The following CSAD variants were observed in gnomAD, a reference collection of about 807,000 sequenced individuals.
The protein encoded by CSAD is cysteine sulfinic acid decarboxylase, also known as P-selectin cytoplasmic tail-associated protein.
A neutral mutation model predicts 61.5 loss-of-function variants in CSAD; 47 were observed. The ratio of observed to expected loss-of-function variants is 0.76; its 90% CI spans 0.60 to 0.97. The LOEUF (loss-of-function observed/expected upper bound fraction) is 0.97, where lower values mean the gene tolerates loss of function less well. Ranked by LOEUF, CSAD falls within the 50% of genes least tolerant of loss-of-function variation. The pLI, the probability that CSAD is intolerant of heterozygous loss-of-function variation, is 0.00. For missense variants in CSAD, 611 were observed against 643.6 expected, an observed-to-expected ratio of 0.95 and a Z score of 0.55; for synonymous variants, 245 against 252.7, an observed-to-expected ratio of 0.97 and a Z score of 0.29.
At chr12:53,172,789 A>G (rs1940739076) in intron 4 of CSAD, 141 bp from the exon 5 acceptor site, 1 of 984,404 alleles carries the variant, frequency 1.0e-6, no homozygotes, top group Admixed American at 2.8e-5. Flanking sequence ...CTGAAAATGA[A>G]CAAGAGTAGT....
Position 53,160,815 on chromosome 12 carries a change from T to C in CSAD, c.914A>G (p.Lys305Arg), listed in dbSNP as rs1028629382. 3.2e-6 allele frequency: 5 copies of C among 1,551,816 alleles called. No individual in the cohort carries two copies. The highest frequency in any genetic ancestry group is 1.7e-6 in the Non-Finnish European group (2 of 1,147,012). ...GCATTGCAGGCCTGCTGCGAGGAGC[T>C]TGTGGGGATTCCAGGCCACAGAGTC... is the stretch of plus-strand genomic sequence containing the variant. ...RADSVAWNPH[K>R]LLAAGLQCSA... The change falls in exon 13 of 17, where the codon AAG (lysine) becomes AGG (arginine). Residue 305 changes from lysine (K) to arginine (R), a missense_variant. Transcript: ENST00000444623.
At position 53,173,263 on chromosome 12, in the gene CSAD, G is replaced by T. The variant is rs536417659; in HGVS notation, c.126+82C>A. 2.2e-4 allele frequency: 264 copies of T among 1,204,890 alleles called. No individual in the cohort carries two copies. The African/African-American group carries it at 3.7e-3, about 17-fold the overall frequency. The allele number at this position is 1,204,890 out of a possible 1,614,324, so 74.6% of individuals were successfully genotyped here. ...AAGAAAGAAGGAAGGAAGGGGGGGG[G>T]AGAAAGAAAAGAAAGGAAAAAAGAA... On this transcript the variant is annotated intron_variant, in intron 4 of 16. Transcript: ENST00000444623.
rs767048688 is a variant in CSAD at position 53,171,430 on chromosome 12, A to G, written c.463T>C (p.Ser155Pro). Residue 155 changes from serine to proline, a missense_variant, in exon 8 of 17, where the codon TCC (serine) becomes CCC (proline). Physicochemically the swap from Ser to Pro is moderately conservative, Grantham distance 74 (BLOSUM62 -1). Coordinates refer to ENST00000444623, the MANE Select transcript of CSAD (RefSeq NM_001244705.2). Reference sequence around the variant, plus strand: ...GCCAGATTTACAGCATACATGTTGGAGATGGAGCCACCTGTCACAGGGAGG... The same window carrying G: ...GCCAGATTTACAGCATACATGTTGGGGATGGAGCCACCTGTCACAGGGAGG... ...DGIFCPGGSI[S>P]NMYAVNLARY... The G allele has an allele frequency of 1.2e-6, 2 of 1,613,632 alleles. No individual in the cohort carries two copies. Among genetic ancestry groups the G allele is most frequent in the Admixed American group, 3.3e-5 (2 of 59,970 alleles).
At position 53,158,640 on chromosome 12, in the gene CSAD, C is replaced by T; in HGVS notation, c.1353G>A (p.Met451Ile). Reference sequence around the variant, plus strand: ...TCCCGTGGGGCTGGTAGCCAATCATCATGGAGCCCTCCTTCACCATGCGCT... The same window carrying T: ...TCCCGTGGGGCTGGTAGCCAATCATTATGGAGCCCTCCTTCACCATGCGCT... ...LKERMVKEGS[M>I]MIGYQPHGTR... The change falls in exon 17 of 17, where the codon ATG becomes ATA. Residue 451 changes from methionine to isoleucine, a missense_variant. By Grantham distance (10) the Met-to-Ile change is conservative. Transcript: ENST00000444623. 1 of 1,614,200 alleles carries T rather than the reference C, an allele frequency of 6.2e-7. No homozygotes were observed. The highest frequency in any genetic ancestry group is 1.7e-4 in the Middle Eastern group (1 of 6,060).
At chr12:53,165,429 G>A (rs1017884775) in intron 10 of CSAD, among the ~76,000 whole-genome samples, 11 of 151,816 alleles carry the variant, frequency 7.2e-5, no homozygotes, top group African/African-American at 2.4e-4. Flanking sequence ...GGGAGGCCGA[G>A]GCGGGTGGAT....
chr12:53,170,636 G>A (rs1592339703), intron 8 of CSAD, 134 bp from the exon 9 acceptor site: 8 of 701,882 alleles, frequency 1.1e-5, no homozygotes, highest in African/African-American at 5.3e-5. Context: ...CATACGAATC[G>A]CCTGGGTGTC....
intron 1 of CSAD, chr12:53,179,691 T>C: frequency 1.7e-6 from 2 of 1,206,382 alleles, no homozygotes; most frequent in Non-Finnish European, 1.2e-6. Flanking sequence ...AAGTTGAGAA[T>C]CCTTGTCTTT....
At position 53,170,493 on chromosome 12, in the gene CSAD, A is replaced by G; in HGVS notation, c.577T>C (p.Ser193Pro). The G allele has an allele frequency of 1.2e-6, 2 of 1,613,982 alleles. No individual in the cohort carries two copies. Among genetic ancestry groups the G allele is most frequent in the South Asian group, 1.1e-5 (1 of 91,072 alleles). Residue 193 changes from serine (S) to proline (P), a missense_variant, in exon 9 of 17, where the codon TCC (serine) becomes CCC (proline). By Grantham distance (74) the Ser-to-Pro change is moderately conservative. Transcript: ENST00000444623. ...AGAAACGCAGCTCCCTTCTGGATGG[A>G]GTAGTGACACTGTGGGGGAAGGCAG... ...ALFTSKECHYSIQKGAAFLGL... is the reference protein window; with the variant it reads ...ALFTSKECHYPIQKGAAFLGL...
Position 53,161,574 on chromosome 12 carries a change from G to A in CSAD, c.703-185C>T, listed in dbSNP as rs565126658. Among the ~76,000 whole-genome samples, 9 of 151,936 alleles carry A rather than the reference G, an allele frequency of 5.9e-5. No individual in the cohort carries two copies. The East Asian group carries it at 1.7e-3, about 30-fold the overall frequency. On this transcript the variant is annotated intron_variant, in intron 10 of 16. Coordinates refer to ENST00000444623, the MANE Select transcript of CSAD (RefSeq NM_001244705.2). ...CTGAGATTCAAAGATCCAAGCAGAA[G>A]CTGCAGAGATGGACTTCGAACCTAG...
At chr12:53,159,559 G>C in intron 16 of CSAD, 64 bp downstream of exon 16, 3 of 1,397,750 alleles carry the variant, frequency 2.1e-6, no homozygotes, top group Non-Finnish European at 3.0e-6. Context: ...AGCCAACAGG[G>C]GGCAGAAGCG....
chr12:53,167,246 G>A (rs921411494), intron 10 of CSAD, among the ~76,000 whole-genome samples: 2 of 152,180 alleles, frequency 1.3e-5, no homozygotes, highest in Non-Finnish European at 2.9e-5. Flanking sequence ...CCAGGCAAAG[G>A]GGGGAAGCTG....
intron 2 of CSAD, among the ~76,000 whole-genome samples, chr12:53,174,095 G>C (rs1940913288): frequency 6.6e-6 from 1 of 151,960 alleles, no homozygotes; most frequent in Non-Finnish European, 1.5e-5. Flanking sequence ...ACGAGGTCAG[G>C]AGATCGAGAC....
chr12:53,169,216 A>G (rs1190237810), intron 10 of CSAD, among the ~76,000 whole-genome samples: 1 of 151,454 alleles, frequency 6.6e-6, no homozygotes, highest in Non-Finnish European at 1.5e-5. Context: ...GCAATGGCTC[A>G]TGCCTGTAAT....
chr12:53,160,918 C>A, intron 12 of CSAD, 74 bp from the exon 13 acceptor site: 3 of 1,396,694 alleles, frequency 2.1e-6, no homozygotes, highest in Non-Finnish European at 2.0e-6. Context: ...CCTCCTTTTC[C>A]AGGTCCCCAG....
chr12:53,180,482 G>T (rs1941496514), intron 1 of CSAD: 2 of 1,217,340 alleles, frequency 1.6e-6, no homozygotes, highest in Non-Finnish European at 2.1e-6. Flanking sequence ...CTCGATGGCG[G>T]CCGGGGCGCG....
intron 2 of CSAD, among the ~76,000 whole-genome samples, chr12:53,177,491 C>G (rs551843299): frequency 1.3e-5 from 2 of 151,950 alleles, no homozygotes; most frequent in South Asian, 2.1e-4. Context: ...TATGAACAGA[C>G]AGTTTACAAA....
chr12:53,174,056 G>A, intron 2 of CSAD: 1 of 383,972 alleles, frequency 2.6e-6, no homozygotes, highest in Non-Finnish European at 4.9e-6. Flanking sequence ...TGTAATCCCA[G>A]CACTTTGGGA....
At position 53,180,901 on chromosome 12, in the gene CSAD, A is replaced by T. The variant is rs1210745131; in HGVS notation, c.-260T>A. On this transcript the variant is annotated 5_prime_UTR_variant, in exon 1 of 17. Coordinates refer to ENST00000444623, the MANE Select transcript of CSAD (RefSeq NM_001244705.2). ...AGACGGCAGCGCTTCAGTAGCTCGC[A>T]AGCCGTGGGGTGCCGCGCGGGAAGG... 1 of 1,139,176 alleles carries T rather than the reference A, an allele frequency of 8.8e-7. No individual in the cohort carries two copies. Among genetic ancestry groups the T allele is most frequent in the African/African-American group, 1.7e-5 (1 of 58,270 alleles). The allele number at this position is 1,139,176 out of a possible 1,614,324, so 70.6% of individuals were successfully genotyped here. A position where few individuals can be genotyped will look rare whatever the true frequency, so the allele number is the denominator to read the frequency against.
rs80280748 is a variant in CSAD at position 53,170,473 on chromosome 12, C to T, written c.597G>A (p.Ala199=). ...CACTGTCGGTGCCAAGTCCCAGAAA[C>T]GCAGCTCCCTTCTGGATGGAGTAGT... The part of the protein sequence containing the change: ...ECHYSIQKGA[A]FLGLGTDSVR... The change falls in exon 9 of 17, where the codon GCG becomes GCA. Residue 199 remains alanine, a synonymous_variant. Coordinates refer to ENST00000444623, the MANE Select transcript of CSAD (RefSeq NM_001244705.2). 3.5e-3 allele frequency: 5,630 copies of T among 1,613,972 alleles called. 101 individuals carry two copies. Among genetic ancestry groups the T allele is most frequent in the African/African-American group, 0.033 (2,456 of 74,966 alleles).
Sources: gnomAD v4.1 joint callset for allele counts (sites outside exome capture counted in the v4.1 genomes callset) on GRCh38, gnomAD v4.1.1 for gene constraint, MANE v1.5 for transcripts, NCBI Gene and HGNC (gene_info 2026-07-23, HGNC 2026-07-21) for gene names.